Variants in PMPCB observed in about 807,000 individuals in gnomAD.
The protein encoded by PMPCB is peptidase, mitochondrial processing subunit beta.
Under a neutral mutation model 61.5 loss-of-function variants are expected in PMPCB, and 46 were observed. The observed-to-expected ratio is 0.75, with a 90% CI of 0.59 to 0.96. The LOEUF (loss-of-function observed/expected upper bound fraction) is 0.96. PMPCB is among the 40% of genes least tolerant of loss of function. The pLI is 0.00. For synonymous variants in PMPCB, 191 were observed against 201.6 expected (o/e 0.95, Z 0.44); for missense variants, 590 against 602.4 (o/e 0.98, Z 0.22).
At chr7:103,315,678 T>C, downstream of PMPCB, 1 of 841,502 alleles carries the variant, frequency 1.2e-6, no homozygotes, top group Non-Finnish European at 1.9e-6. Flanking sequence ...TTCCCTATCA[T>C]TCTGAACATA....
chr7:103,332,274 G>A (rs768265721), downstream of PMPCB, among the ~76,000 whole-genome samples: 26 of 152,242 alleles, frequency 1.7e-4, no homozygotes, highest in Non-Finnish European at 3.1e-4. Flanking sequence ...CAAAGTGCTC[G>A]GATTATAGGC....
chr7:103,342,470 T>C, the PMPCB span, among the ~76,000 whole-genome samples: 6 of 152,040 alleles, frequency 3.9e-5, no homozygotes, highest in Middle Eastern at 3.4e-3. Flanking sequence ...CATGCCCAGC[T>C]AATTTTGTAT....
chr7:103,347,223 G>C, the PMPCB span, among the ~76,000 whole-genome samples: 1 of 152,156 alleles, frequency 6.6e-6, no homozygotes, highest in Non-Finnish European at 1.5e-5. Context: ...GTTTTTGCTT[G>C]TTTTTTAATA....
At chr7:103,324,388 G>T in intron 12 of PMPCB, 1 of 1,122,748 alleles carries the variant, frequency 8.9e-7, no homozygotes, top group Non-Finnish European at 1.2e-6. Flanking sequence ...TCTGCAATTT[G>T]TCCATCTGAA....
intron 4 of PMPCB, 73 bp downstream of exon 4, chr7:103,300,380 T>A (rs1817417137): frequency 8.2e-7 from 1 of 1,225,972 alleles, no homozygotes; most frequent in Non-Finnish European, 1.1e-6. Context: ...CTATTTTTAT[T>A]ATGTCTGTTG....
the PMPCB span, chr7:103,337,864 C>G: frequency 7.5e-7 from 1 of 1,329,920 alleles, no homozygotes; most frequent in African/African-American, 1.5e-5. Flanking sequence ...CAATATATTC[C>G]ATCCCTTGTG....
At chr7:103,341,220 A>C in the PMPCB span, among the ~76,000 whole-genome samples, 1 of 152,224 alleles carries the variant, frequency 6.6e-6, no homozygotes, top group East Asian at 1.9e-4. Flanking sequence ...CCTTTCAAGC[A>C]ATTTCCTGTA....
At chr7:103,312,165 T>C in intron 12 of PMPCB, 34 bp downstream of exon 12, 1 of 1,614,016 alleles carries the variant, frequency 6.2e-7, no homozygotes, top group Non-Finnish European at 8.5e-7. Flanking sequence ...ATGCAAAAAG[T>C]TGGCCAAGTA....
At chr7:103,305,041 A>G (rs904191928) in intron 6 of PMPCB, among the ~76,000 whole-genome samples, 2 of 152,250 alleles carry the variant, frequency 1.3e-5, no homozygotes, top group Non-Finnish European at 2.9e-5. Flanking sequence ...AGAACGTGCA[A>G]GAAAAGGGCA....
rs765923144 is a variant in PMPCB at position 103,313,963 on chromosome 7, G to T, written c.*1692G>T. 36 of 985,230 alleles carry T rather than the reference G, an allele frequency of 3.7e-5. No homozygotes were observed. Among genetic ancestry groups the T allele is most frequent in the Non-Finnish European group, 4.3e-5 (36 of 829,922 alleles). 61.0% of individuals were successfully genotyped at this position (985,230 alleles called of 1,614,324 possible). ...AGCCTGACTACTACTAGAAACTGCG[G>T]CCTGTGAGATCTGTTAAAAGTTAAG... On this transcript the variant is annotated 3_prime_UTR_variant, in exon 13 of 13. Transcript: ENST00000249269.
chr7:103,310,309 T>G lies in PMPCB; in HGVS notation c.994-6T>G. 1 of 1,608,858 alleles carries G rather than the reference T, an allele frequency of 6.2e-7. No homozygotes were observed. Among genetic ancestry groups the G allele is most frequent in the Non-Finnish European group, 8.5e-7 (1 of 1,177,956 alleles). ...AAATTCTCTTGGAATTTTTTTTTCCTTGCAGAATTTATCTAGCAAGCTGGC... is the reference window on the plus strand; with the variant it reads ...AAATTCTCTTGGAATTTTTTTTTCCGTGCAGAATTTATCTAGCAAGCTGGC... On this transcript the variant is annotated splice_region_variant and splice_polypyrimidine_tract_variant and intron_variant, in intron 8 of 12. Transcript: ENST00000249269.
chr7:103,299,856 C>T (rs1422191873), intron 3 of PMPCB, among the ~76,000 whole-genome samples: 1 of 152,100 alleles, frequency 6.6e-6, no homozygotes, highest in Non-Finnish European at 1.5e-5. Flanking sequence ...GCAACCTCCG[C>T]CTCCTAGGCT....
intron 9 of PMPCB, 86 bp from the exon 10 acceptor site, chr7:103,311,557 T>C: frequency 1.2e-6 from 1 of 863,502 alleles, no homozygotes; most frequent in Non-Finnish European, 1.9e-6. Flanking sequence ...GTATGTTTTG[T>C]GTAGAAGATG....
downstream of PMPCB, among the ~76,000 whole-genome samples, chr7:103,318,136 T>C (rs1303566506): frequency 6.6e-6 from 1 of 152,140 alleles, no homozygotes; most frequent in Non-Finnish European, 1.5e-5. Flanking sequence ...ACTGATTTTG[T>C]TTCCCACTCC....
chr7:103,305,020 G>A (rs1414093768), intron 6 of PMPCB, among the ~76,000 whole-genome samples: 1 of 152,122 alleles, frequency 6.6e-6, no homozygotes, highest in Non-Finnish European at 1.5e-5. Flanking sequence ...CAATACATAA[G>A]CGTACATAGT....
chr7:103,337,368 T>TA, the PMPCB span: 3,786 of 156,892 alleles, frequency 0.024, 51 homozygotes, highest in Admixed American at 0.038. Flanking sequence ...CAAAATAACG[T>TA]AAAAAAAAAA....
At chr7:103,307,423 T>A (rs767640076) in intron 6 of PMPCB, among the ~76,000 whole-genome samples, 173 bp from the exon 7 acceptor site, 14 of 152,232 alleles carry the variant, frequency 9.2e-5, no homozygotes, top group Non-Finnish European at 1.5e-4. Context: ...CTGTGCAACC[T>A]CAAGCTTTGC....
chr7:103,332,913 C>A (rs972391807), downstream of PMPCB, among the ~76,000 whole-genome samples: 1 of 152,174 alleles, frequency 6.6e-6, no homozygotes, highest in Admixed American at 6.5e-5. Context: ...CATGAGCCAC[C>A]ATGATTAGCT....
chr7:103,314,754 T>A, downstream of PMPCB: 4 of 629,726 alleles, frequency 6.4e-6, no homozygotes, highest in Non-Finnish European at 7.9e-6. Flanking sequence ...AAGTCTCATA[T>A]CTTTAAGTTG....
Sources: gnomAD v4.1 joint callset for allele counts (sites outside exome capture counted in the v4.1 genomes callset) on GRCh38, gnomAD v4.1.1 for gene constraint, MANE v1.5 for transcripts, NCBI Gene and HGNC (gene_info 2026-07-23, HGNC 2026-07-21) for gene names.